Variants in DENND5B observed in about 807,000 individuals in gnomAD.
DENND5B encodes DENN domain containing 5B.
A neutral mutation model predicts 140.6 loss-of-function variants in DENND5B; 34 were observed. The observed-to-expected ratio is 0.24, with a 90% CI of 0.18 to 0.32. The LOEUF is 0.32. Among genes scored for constraint, DENND5B ranks in the 10% least tolerant of loss-of-function variants. The pLI is 1.00. For synonymous variants in DENND5B, 551 were observed against 562.1 expected (o/e 0.98, Z 0.28); for missense variants, 1,142 against 1,560.2 (o/e 0.73, Z 4.52).
At chr12:31,477,305 A>G (rs1945863460) in intron 3 of DENND5B, among the ~76,000 whole-genome samples, 1 of 152,166 alleles carries the variant, frequency 6.6e-6, no homozygotes, top group Non-Finnish European at 1.5e-5. Context: ...TGCCCCTTCT[A>G]GCCATTCTCT....
At chr12:31,482,485 T>A (rs1224883105) in intron 2 of DENND5B, among the ~76,000 whole-genome samples, 1 of 152,154 alleles carries the variant, frequency 6.6e-6, no homozygotes, top group Non-Finnish European at 1.5e-5. Flanking sequence ...AACTTCTTCC[T>A]CTCTTTCTCA....
chr12:31,382,762 A>G lies in DENND5B; in HGVS notation c.*4841T>C, dbSNP rs1479522472. Reference sequence around the variant, plus strand: ...TTGATGTGATATATCTCTGAAGTCAATCTTTATCTTGTCCTTGAGAGGGTG... The same window carrying G: ...TTGATGTGATATATCTCTGAAGTCAGTCTTTATCTTGTCCTTGAGAGGGTG... On this transcript the variant is annotated 3_prime_UTR_variant, in exon 21 of 21. Coordinates refer to ENST00000389082, the MANE Select transcript of DENND5B (RefSeq NM_144973.4). 6.6e-6 allele frequency: 1 copy of G among 151,978 alleles called. No individual in the cohort carries two copies. Among genetic ancestry groups the G allele is most frequent in the Non-Finnish European group, 1.5e-5 (1 of 67,972 alleles). The allele number at this position is 151,978 out of a possible 1,614,324, so 9.4% of individuals were successfully genotyped here. A position where few individuals can be genotyped will look rare whatever the true frequency, so the allele number is the denominator to read the frequency against.
chr12:31,527,091 TGA>T (rs144214922), intron 1 of DENND5B, among the ~76,000 whole-genome samples: 3,113 of 152,028 alleles, frequency 0.02, 54 homozygotes, highest in South Asian at 0.052. Context: ...TTACACGGTA[TGA>T]GAGAGGGTGA....
chr12:31,590,654 G>T, intron 1 of DENND5B, 52 bp downstream of exon 1: 1 of 1,411,930 alleles, frequency 7.1e-7, no homozygotes, highest in Non-Finnish European at 9.2e-7. Context: ...CGTCCCCACA[G>T]CGTCCCCCGC....
Position 31,447,722 on chromosome 12 carries a change from T to C in DENND5B, c.1677A>G (p.Ser559=), listed in dbSNP as rs1944332714. The C allele has an allele frequency of 1.9e-6, 3 of 1,609,966 alleles. No individual in the cohort carries two copies. ...CAAACATCTGTGTTTCAATGAAGCG[T>C]GAAAGAAATGGCAGGTAAGGCTCAG... ...DQPEPYLPFL[S]RFIETQMFAT... The change falls in exon 6 of 21, where the codon TCA becomes TCG. Residue 559 remains serine (S), a synonymous_variant. Coordinates refer to ENST00000389082, the MANE Select transcript of DENND5B (RefSeq NM_144973.4).
chr12:31,408,108 C>T (rs1942233317), intron 14 of DENND5B, among the ~76,000 whole-genome samples: 1 of 152,036 alleles, frequency 6.6e-6, no homozygotes, highest in Non-Finnish European at 1.5e-5. Flanking sequence ...CCAGCCTGGC[C>T]AACATGGTGA....
chr12:31,579,192 A>T (rs192332906), intron 1 of DENND5B, among the ~76,000 whole-genome samples: 1 of 152,380 alleles, frequency 6.6e-6, no homozygotes, highest in Admixed American at 6.5e-5. Context: ...AAATAAAGTT[A>T]GTAAAGTCAT....
intron 1 of DENND5B, among the ~76,000 whole-genome samples, chr12:31,577,538 GT>G (rs1271591578): frequency 2.6e-5 from 4 of 151,308 alleles, no homozygotes; most frequent in African/African-American, 9.7e-5. Flanking sequence ...GTGAAACCCC[GT>G]CTCTACTAAA....
chr12:31,457,781 T>C (rs1007369896), intron 4 of DENND5B, among the ~76,000 whole-genome samples: 1 of 152,028 alleles, frequency 6.6e-6, no homozygotes, highest in Non-Finnish European at 1.5e-5. Context: ...TGATGCGATC[T>C]TGGCTCACTG....
At chr12:31,447,896 CAAAAATCCTT>C (rs1050697482) in intron 5 of DENND5B, 127 bp from the exon 6 acceptor site, 18 of 733,792 alleles carry the variant, frequency 2.5e-5, no homozygotes, top group Middle Eastern at 2.5e-4. Context: ...ACTTGAAATT[CAAAAATCCTT>C]AAAAATCCAC....
rs182335451 is a variant in DENND5B, at chr12:31,459,573, T to C, written c.1092+621A>G. Among the ~76,000 whole-genome samples, 425 of 151,958 alleles carry C rather than the reference T, an allele frequency of 2.8e-3. 5 individuals are homozygous for C. Among genetic ancestry groups the C allele is most frequent in the African/African-American group, 9.8e-3 (408 of 41,504 alleles). Reference sequence around the variant, plus strand: ...AAAGTGCTGGGATTACAAGCGCTTGTAATCCCACCACGCCTGGCCTATTTT... The same window carrying C: ...AAAGTGCTGGGATTACAAGCGCTTGCAATCCCACCACGCCTGGCCTATTTT... On this transcript the variant is annotated intron_variant, in intron 4 of 20. Transcript: ENST00000389082.
At chr12:31,471,004 T>C (rs1486711115) in intron 3 of DENND5B, among the ~76,000 whole-genome samples, 1 of 152,188 alleles carries the variant, frequency 6.6e-6, no homozygotes, top group Non-Finnish European at 1.5e-5. Flanking sequence ...ACTGGATATA[T>C]AAGGAAATGC....
intron 11 of DENND5B, 25 bp from the exon 12 acceptor site, chr12:31,415,473 T>C: frequency 6.5e-7 from 1 of 1,537,578 alleles, no homozygotes; most frequent in Non-Finnish European, 8.9e-7. Flanking sequence ...ATCAACAAAA[T>C]ATTAGAAAAG....
intron 2 of DENND5B, among the ~76,000 whole-genome samples, chr12:31,489,133 T>C (rs910170544): frequency 6.6e-6 from 1 of 152,206 alleles, no homozygotes; most frequent in South Asian, 2.1e-4. Context: ...GGACTGCCTA[T>C]AGGACAACGG....
At position 31,479,585 on chromosome 12, in the gene DENND5B, C is replaced by A; in HGVS notation, c.904+4G>T. 2 of 1,477,594 alleles carry A rather than the reference C, an allele frequency of 1.4e-6. No homozygotes were observed. The highest frequency in any genetic ancestry group is 1.8e-6 in the Non-Finnish European group (2 of 1,114,574). The allele number at this position is 1,477,594 out of a possible 1,614,324, so 91.5% of individuals were successfully genotyped here. A position where few individuals can be genotyped will look rare whatever the true frequency, so the allele number is the denominator to read the frequency against. On this transcript the variant is annotated splice_donor_region_variant and intron_variant, in intron 3 of 20. Transcript: ENST00000389082. ...GGAAAATGTAAAATCCAAGGAAAAC[C>A]TACCTTGTGAGTAGAGAAGGATTTG...
At chr12:31,573,162 G>GT (rs1949882252) in intron 1 of DENND5B, among the ~76,000 whole-genome samples, 1 of 152,070 alleles carries the variant, frequency 6.6e-6, no homozygotes, top group Non-Finnish European at 1.5e-5. Context: ...AAAGAAAACT[G>GT]TATCTCATTA....
intron 7 of DENND5B, among the ~76,000 whole-genome samples, chr12:31,434,074 T>C (rs1431730095): frequency 6.6e-6 from 1 of 152,230 alleles, no homozygotes; most frequent in Non-Finnish European, 1.5e-5. Flanking sequence ...ACCACTGTGA[T>C]TCCTTTTTGC....
chr12:31,496,615 G>C (rs994435875), intron 1 of DENND5B, among the ~76,000 whole-genome samples: 2 of 152,098 alleles, frequency 1.3e-5, no homozygotes, highest in Non-Finnish European at 2.9e-5. Flanking sequence ...TGTAATCCCA[G>C]AACTTTGGGA....
At chr12:31,541,099 A>C in intron 1 of DENND5B, 1 of 430,846 alleles carries the variant, frequency 2.3e-6, no homozygotes, top group Non-Finnish European at 4.6e-6. Context: ...TCAAACTATG[A>C]AACTACTAAA....
Sources: allele counts gnomAD v4.1 joint callset (sites outside exome capture counted in the v4.1 genomes callset), GRCh38; gene constraint gnomAD v4.1.1; transcripts MANE v1.5; gene names NCBI Gene and HGNC (gene_info 2026-07-23, HGNC 2026-07-21).